The following DUOX1 variants were observed in gnomAD, a reference collection of about 807,000 sequenced individuals.
The protein encoded by DUOX1 is NADPH thyroid oxidase 1.
A neutral mutation model predicts 181.8 loss-of-function variants in DUOX1; 134 were observed. That is an observed-to-expected ratio of 0.74 (90% CI 0.64 to 0.85). The LOEUF (loss-of-function observed/expected upper bound fraction) is 0.85, where lower values mean the gene tolerates loss of function less well. Ranked by LOEUF, DUOX1 falls within the 40% of genes least tolerant of loss-of-function variation. The probability of loss-of-function intolerance (pLI) is 0.00; values close to 1 mark genes in which losing one functional copy is unlikely to be tolerated. For synonymous variants in DUOX1, 798 were observed against 832.5 expected (o/e 0.96, Z 0.71); for missense variants, 1,814 against 2,064.4 (o/e 0.88, Z 2.35).
At chr15:45,150,760 C>T in intron 22 of DUOX1, 59 bp downstream of exon 22, 1 of 1,543,928 alleles carries the variant, frequency 6.5e-7, no homozygotes, top group South Asian at 1.1e-5. Flanking sequence ...TTTCTCTCCC[C>T]TGAATGGCTG....
chr15:45,143,261 C>T lies in DUOX1; in HGVS notation c.1894C>T (p.Arg632Cys), dbSNP rs766485051. ...TTTCAAGAGGCTCCAGGGCCAGGAC[C>T]GCCAGAGCATCGTGTCTGAGAAGCT... ...RNFKRLQGQD[R>C]QSIVSEKLVG... Residue 632 changes from arginine to cysteine, a missense_variant, in exon 16 of 34, where the codon CGC becomes TGC. Arg to Cys is a radical substitution (Grantham distance 180, BLOSUM62 -3). Transcript: ENST00000389037. 14 of 1,613,998 alleles carry T rather than the reference C, an allele frequency of 8.7e-6. No homozygotes were observed. Among genetic ancestry groups the T allele is most frequent in the East Asian group, 2.2e-5 (1 of 44,884 alleles).
chr15:45,135,506 C>T lies in DUOX1; in HGVS notation c.528C>T (p.Ser176=), dbSNP rs1595575867. The change falls in exon 6 of 34, where the codon AGC becomes AGT. Residue 176 remains serine, a synonymous_variant. Transcript: ENST00000389037. ...AGGTGACGGGCTGGCTGGACGGCAG[C>T]GCCATCTATGGTTCCTCGCATTCCT... ...ANQVTGWLDG[S]AIYGSSHSWS... 2 of 1,558,040 alleles carry T rather than the reference C, an allele frequency of 1.3e-6. No individual in the cohort carries two copies. Among genetic ancestry groups the T allele is most frequent in the Non-Finnish European group, 1.7e-6 (2 of 1,152,560 alleles).
At position 45,148,314 on chromosome 15, in the gene DUOX1, G is replaced by A. The variant is rs766581488; in HGVS notation, c.2685G>A (p.Gln895=). The A allele has an allele frequency of 4.3e-6, 7 of 1,614,120 alleles. No individual in the cohort carries two copies. The African/African-American group carries it at 9.3e-5, about 22-fold the overall frequency. ...CCAACAACTGCCTGTCCAAGGCCCA[G>A]CTGGCTGAGGTGGTGGAGTCCATGT... The part of the protein sequence containing the change: ...EISNNCLSKA[Q]LAEVVESMFR... The change falls in exon 21 of 34, where the codon CAG becomes CAA. Residue 895 remains glutamine (Q), a synonymous_variant. Transcript: ENST00000389037.
chr15:45,150,682 A>G lies in DUOX1; in HGVS notation c.2869A>G (p.Ile957Val). The G allele has an allele frequency of 1.2e-6, 2 of 1,613,942 alleles. No homozygotes were observed. Among genetic ancestry groups the G allele is most frequent in the Non-Finnish European group, 1.7e-6 (2 of 1,179,970 alleles). The change falls in exon 22 of 34, where the codon ATC (isoleucine) becomes GTC (valine). Residue 957 changes from isoleucine to valine, a missense_variant. Physicochemically the swap from Ile to Val is conservative, Grantham distance 29. Around this residue, in one of 5 missense-constraint regions of DUOX1, gnomAD observed 1,064 missense variants for 1,152.9 expected, o/e 0.92. Transcript: ENST00000389037. ...IKDLCRRASY[I>V]SQDMICPSPR... ...GGACCTCTGCCGGCGAGCCTCCTACATCAGCCAGGATATGATCTGGTGAGC... is the reference window on the plus strand; with the variant it reads ...GGACCTCTGCCGGCGAGCCTCCTACGTCAGCCAGGATATGATCTGGTGAGC...
chr15:45,152,992 G>A (rs889949836), intron 25 of DUOX1: 25 of 294,662 alleles, frequency 8.5e-5, no homozygotes, highest in Non-Finnish European at 1.4e-4. Context: ...AAGCTGAGGC[G>A]GGCGGATCAC....
intron 27 of DUOX1, 139 bp downstream of exon 27, chr15:45,154,139 ACTACTGGGTGGGCAG>A: frequency 1.3e-6 from 1 of 779,750 alleles, no homozygotes; most frequent in Non-Finnish European, 2.2e-6. Flanking sequence ...GCCTGAGGAC[ACTACTGGGTGGGCAG>A]GAGACTTAGA....
intron 25 of DUOX1, 122 bp from the exon 26 acceptor site, chr15:45,153,258 C>T (rs16939774): frequency 0.18 from 105,211 of 581,148 alleles, 12,654 homozygotes; most frequent in East Asian, 0.48. Context: ...GGTCAGAAGT[C>T]GAGACTCCTA....
Position 45,141,308 on chromosome 15 carries a change from G to A in DUOX1, c.1582G>A (p.Glu528Lys). The stretch of plus-strand genomic sequence containing the variant: ...CCAACTTAGGCTGTTCTCCAAGAAG[G>A]AGATTGAAGAAATCCGAAATACCAC... ...NTRNGLFSKK[E>K]IEEIRNTTLQ... is the part of the protein sequence containing the mutation. Residue 528 changes from glutamate to lysine, a missense_variant, in exon 14 of 34, where the codon GAG becomes AAG. By Grantham distance (56) the Glu-to-Lys change is moderately conservative. This residue lies in a region of DUOX1 where 1,064 missense variants were observed against 1,152.9 expected (regional missense o/e 0.92). Coordinates refer to ENST00000389037, the MANE Select transcript of DUOX1 (RefSeq NM_175940.3). 6.2e-7 allele frequency: 1 copy of A among 1,614,170 alleles called. No homozygotes were observed. Among genetic ancestry groups the A allele is most frequent in the East Asian group, 2.2e-5 (1 of 44,872 alleles).
At position 45,165,229 on chromosome 15, in the gene DUOX1, G is replaced by A; in HGVS notation, c.*328G>A. The A allele has an allele frequency of 2.6e-6, 1 of 380,502 alleles. No individual in the cohort carries two copies. Among genetic ancestry groups the A allele is most frequent in the Non-Finnish European group, 4.8e-6 (1 of 206,200 alleles). 23.6% of individuals were successfully genotyped at this position (380,502 alleles called of 1,614,324 possible). On this transcript the variant is annotated 3_prime_UTR_variant, in exon 34 of 34. Coordinates refer to ENST00000389037, the MANE Select transcript of DUOX1 (RefSeq NM_175940.3). ...GACAAGCTGACCTGACAAGTACTAT[G>A]TGTGTGCATGTCTGTATGTGTGTTG...
chr15:45,143,811 A>G (rs1440073326), intron 16 of DUOX1, among the ~76,000 whole-genome samples: 4 of 152,252 alleles, frequency 2.6e-5, no homozygotes, highest in Admixed American at 6.5e-5. Flanking sequence ...AGCACTTGGT[A>G]TAGTATTGAG....
rs1436483134 is a variant in DUOX1, at chr15:45,162,496, TG to T, written c.4248+121del. The T allele has an allele frequency of 1.4e-5, 20 of 1,385,628 alleles. No individual in the cohort carries two copies. In the East Asian group the frequency reaches 4.7e-4, roughly 33 times the overall value. 85.8% of individuals were successfully genotyped at this position (1,385,628 alleles called of 1,614,324 possible). On this transcript the variant is annotated intron_variant, in intron 31 of 33. Transcript: ENST00000389037. ...TTCCCTGAACTGGGCAGGGGCAAGT[TG>T]GTTTGAAACCTGGGGTTGGGTGGTG...
At chr15:45,154,989 C>T (rs1896934557) in intron 27 of DUOX1, among the ~76,000 whole-genome samples, 1 of 152,364 alleles carries the variant, frequency 6.6e-6, no homozygotes, top group East Asian at 1.9e-4. Flanking sequence ...AGTGCCAGTG[C>T]TCATGCTGTG....
At chr15:45,153,329 G>GCA in intron 25 of DUOX1, 51 bp from the exon 26 acceptor site, 1 of 1,492,102 alleles carries the variant, frequency 6.7e-7, no homozygotes. Context: ...GAATGAGTGA[G>GCA]CACCCACCCT....
At chr15:45,138,486 G>A (rs1230984106) in intron 10 of DUOX1, among the ~76,000 whole-genome samples, 1 of 152,188 alleles carries the variant, frequency 6.6e-6, no homozygotes, top group Non-Finnish European at 1.5e-5. Context: ...GGTTCCTAGA[G>A]ATTATTGGGG....
chr15:45,165,130 T>G lies in DUOX1; in HGVS notation c.*229T>G. ...GGGGGGCAGTGTCTAGGGACTAGAG[T>G]GAGAAGTAGGGGAGCTACTGATTTG... is the stretch of plus-strand genomic sequence containing the variant. On this transcript the variant is annotated 3_prime_UTR_variant, in exon 34 of 34. Coordinates refer to ENST00000389037, the MANE Select transcript of DUOX1 (RefSeq NM_175940.3). The G allele has an allele frequency of 1.7e-6, 1 of 571,546 alleles. No homozygotes were observed. The allele number at this position is 571,546 out of a possible 1,614,324, so 35.4% of individuals were successfully genotyped here.
At chr15:45,142,218 G>T in intron 15 of DUOX1, 106 bp downstream of exon 15, 2 of 1,280,886 alleles carry the variant, frequency 1.6e-6, no homozygotes, top group Non-Finnish European at 2.2e-6. Flanking sequence ...ACAGAGCATG[G>T]TCCCTTTGGG....
In DUOX1 at chr15:45,157,814, G is replaced by GT. The variant is rs1353874290; in HGVS notation, c.3702+1888dup. Reference sequence around the variant, plus strand: ...ACCCTGGGCAACAGATGGACAGCCTGTTTAAAAAAAAAAAAAGAAATAAAA... The same window carrying GT: ...ACCCTGGGCAACAGATGGACAGCCTGTTTTAAAAAAAAAAAAAGAAATAAAA... On this transcript the variant is annotated intron_variant, in intron 28 of 33. Transcript: ENST00000389037. Among the ~76,000 whole-genome samples, 3 of 39,390 alleles carry GT rather than the reference G, an allele frequency of 7.6e-5. No homozygotes were observed. In the Non-Finnish European group the frequency reaches 8.6e-4, roughly 11 times the overall value. The allele number at this position is 39,390 out of a possible 152,430, so 25.8% of individuals were successfully genotyped here.
Position 45,151,958 on chromosome 15 carries a change from G to A in DUOX1, c.3099G>A (p.Gln1033=). The change falls in exon 24 of 34, where the codon CAG becomes CAA. Residue 1033 remains glutamine (Q), a synonymous_variant. Coordinates refer to ENST00000389037, the MANE Select transcript of DUOX1 (RefSeq NM_175940.3). ...GCTGTCTCCACCAGACGGTGCAACA[G>A]TTCAAGCGCTTCATTGAGAACTACC... ...QRSCLHQTVQ[Q]FKRFIENYRR... The A allele has an allele frequency of 6.2e-7, 1 of 1,614,080 alleles. No individual in the cohort carries two copies. The highest frequency in any genetic ancestry group is 8.5e-7 in the Non-Finnish European group (1 of 1,180,038).
chr15:45,162,248 C>T lies in DUOX1; in HGVS notation c.4119C>T (p.Gly1373=). The change falls in exon 31 of 34, where the codon GGC becomes GGT. Residue 1373 remains glycine, a synonymous_variant. Coordinates refer to ENST00000389037, the MANE Select transcript of DUOX1 (RefSeq NM_175940.3). The stretch of plus-strand genomic sequence containing the variant: ...ACCTTGATGGACCATTTGGAGAGGG[C>T]CACCAGGAGTGGCATAAGTTTGAGG... ...KLYLDGPFGE[G]HQEWHKFEVS... 1 of 1,611,458 alleles carries T rather than the reference C, an allele frequency of 6.2e-7. No individual in the cohort carries two copies. Among genetic ancestry groups the T allele is most frequent in the Non-Finnish European group, 8.5e-7 (1 of 1,178,526 alleles).
Sources: allele counts gnomAD v4.1 joint callset (sites outside exome capture counted in the v4.1 genomes callset), GRCh38; gene constraint gnomAD v4.1.1; regional missense constraint gnomAD v4.1.1; transcripts MANE v1.5; gene names NCBI Gene and HGNC (gene_info 2026-07-23, HGNC 2026-07-21).